Variants in CDK12 observed in about 807,000 individuals in gnomAD.
CDK12 encodes cyclin dependent kinase 12.
A neutral mutation model predicts 133.8 loss-of-function variants in CDK12; 17 were observed. The observed-to-expected ratio is 0.13, with a 90% CI of 0.09 to 0.19. CDK12 has a LOEUF of 0.19. Ranked by LOEUF, CDK12 falls within the 10% of genes least tolerant of loss-of-function variation. The pLI is 1.00. For missense variants in CDK12, 1,508 were observed against 1,818.7 expected (o/e 0.83, Z 3.11); for synonymous variants, 694 against 683.6 (o/e 1.02, Z -0.24).
At chr17:39,482,294 G>A (rs968589559) in intron 2 of CDK12, among the ~76,000 whole-genome samples, 3 of 152,038 alleles carry the variant, frequency 2.0e-5, no homozygotes, top group Non-Finnish European at 2.9e-5. Context: ...TTACAGGCCT[G>A]AGCTACCGCA....
chr17:39,492,592 G>A (rs2051723225), intron 3 of CDK12, among the ~76,000 whole-genome samples, 159 bp from the exon 4 acceptor site: 1 of 148,888 alleles, frequency 6.7e-6, no homozygotes, highest in Admixed American at 6.8e-5. Flanking sequence ...ATTTTTTTTA[G>A]TAAAGACGGG....
intron 7 of CDK12, 144 bp from the exon 8 acceptor site, chr17:39,511,385 T>G (rs2053500259): frequency 3.5e-6 from 2 of 563,794 alleles, no homozygotes; most frequent in South Asian, 5.1e-5. Flanking sequence ...CTGAACAGTT[T>G]GCTTTTGGAG....
intron 1 of CDK12, among the ~76,000 whole-genome samples, chr17:39,466,615 GAAAAAAAAAAAAAAAAAAAAAA>G (rs71147339): frequency 0.18 from 5,691 of 31,262 alleles, 167 homozygotes; most frequent in Non-Finnish European, 0.24. Context: ...AACTCTATCT[GAAAAAAAAAAAAAAAAAAAAAA>G]AAAAAAAAAA....
intron 1 of CDK12, among the ~76,000 whole-genome samples, chr17:39,464,411 T>C (rs1021018926): frequency 4.0e-5 from 6 of 151,386 alleles, no homozygotes; most frequent in Non-Finnish European, 7.4e-5. Flanking sequence ...TTTCTTTTTT[T>C]TTTTTGTAGA....
intron 1 of CDK12, among the ~76,000 whole-genome samples, chr17:39,468,872 G>A (rs139967667): frequency 1.4e-3 from 215 of 151,606 alleles, no homozygotes; most frequent in African/African-American, 5.1e-3. Flanking sequence ...GAGTGCAGTG[G>A]CGCAATCTCT....
rs199527988 is a variant in CDK12 at position 39,520,133 on chromosome 17, C to G, written c.3095+46C>G. On this transcript the variant is annotated intron_variant, in intron 11 of 13. Transcript: ENST00000447079. Reference sequence around the variant, plus strand: ...TGTGACCCTAAATCTTTCCCTGGGCCTTAGACGATGAGAAACTCATAAAAG... The same window carrying G: ...TGTGACCCTAAATCTTTCCCTGGGCGTTAGACGATGAGAAACTCATAAAAG... 3.7e-5 allele frequency: 59 copies of G among 1,604,404 alleles called. 1 individual carries two copies. Among genetic ancestry groups the G allele is most frequent in the Non-Finnish European group, 4.9e-5 (58 of 1,174,342 alleles).
chr17:39,473,917 C>T (rs2049994859), intron 2 of CDK12, among the ~76,000 whole-genome samples: 1 of 151,630 alleles, frequency 6.6e-6, no homozygotes, highest in Admixed American at 6.6e-5. Context: ...ATTAGCCAGG[C>T]GTGGTGGCAG....
At chr17:39,477,416 T>G (rs2050298404) in intron 2 of CDK12, among the ~76,000 whole-genome samples, 1 of 151,262 alleles carries the variant, frequency 6.6e-6, no homozygotes, top group Non-Finnish European at 1.5e-5. Context: ...TTTTGTATTT[T>G]TAGTAGAGAC....
intron 1 of CDK12, among the ~76,000 whole-genome samples, chr17:39,540,089 TG>T (rs1270826436): frequency 6.6e-6 from 1 of 152,200 alleles, no homozygotes; most frequent in African/African-American, 2.4e-5. Flanking sequence ...AAAATATTAT[TG>T]TTCTTGCCAA....
chr17:39,492,401 C>A (rs2051700019), intron 3 of CDK12, among the ~76,000 whole-genome samples: 1 of 131,378 alleles, frequency 7.6e-6, no homozygotes. Context: ...CGGCCAATTT[C>A]ATTTTCTTTT....
intron 2 of CDK12, among the ~76,000 whole-genome samples, chr17:39,486,783 C>G (rs951674649): frequency 2.6e-5 from 4 of 151,844 alleles, no homozygotes; most frequent in African/African-American, 9.7e-5. Context: ...CTGAGGTGGG[C>G]AGATCATGAG....
rs773073791 is a variant in CDK12 at position 39,482,015 on chromosome 17, C to CCTTTTTTTTTTTTTTTTT, written c.1932-8542_1932-8541insCTTTTTTTTTTTTTTTTT. Among the ~76,000 whole-genome samples, 2 of 96,256 alleles carry CCTTTTTTTTTTTTTTTTT rather than the reference C, an allele frequency of 2.1e-5. 1 individual carries two copies. The highest frequency in any genetic ancestry group is 4.4e-5 in the Non-Finnish European group (2 of 45,170). 63.1% of individuals were successfully genotyped at this position (96,256 alleles called of 152,430 possible). A position where few individuals can be genotyped will look rare whatever the true frequency, so the allele number is the denominator to read the frequency against. Reference sequence around the variant, plus strand: ...GATTACAGGCATGAGCCTGGCTTGCCTTTTTTTTTTTTTTTTAACAGAGTT... The same window carrying CCTTTTTTTTTTTTTTTTT: ...GATTACAGGCATGAGCCTGGCTTGCCCTTTTTTTTTTTTTTTTTTTTTTTTTTTTTTTTTAACAGAGTT... On this transcript the variant is annotated intron_variant, in intron 2 of 13. Coordinates refer to ENST00000447079, the MANE Select transcript of CDK12 (RefSeq NM_016507.4).
intron 6 of CDK12, among the ~76,000 whole-genome samples, chr17:39,508,997 CAAAAA>C (rs36130789): frequency 1.7e-5 from 2 of 120,744 alleles, no homozygotes; most frequent in Non-Finnish European, 3.3e-5. Context: ...GACTCTGTCT[CAAAAA>C]AAAAAAAAAA....
intron 6 of CDK12, among the ~76,000 whole-genome samples, chr17:39,505,546 T>C (rs1372704273): frequency 7.8e-6 from 1 of 128,636 alleles, no homozygotes; most frequent in Non-Finnish European, 1.7e-5. Flanking sequence ...AAAAAAAAGA[T>C]TTGGGAAAGA....
intron 4 of CDK12, among the ~76,000 whole-genome samples, chr17:39,493,578 G>A (rs1245845270): frequency 6.6e-6 from 1 of 152,106 alleles, no homozygotes; most frequent in East Asian, 1.9e-4. Flanking sequence ...ACCCACCTCA[G>A]CCTCCCAAAG....
At chr17:39,542,552 C>T (rs2055480092) in intron 1 of CDK12, among the ~76,000 whole-genome samples, 1 of 151,236 alleles carries the variant, frequency 6.6e-6, no homozygotes, top group African/African-American at 2.4e-5. Context: ...TCTTGTTGCC[C>T]AGGCTGGAGT....
upstream of CDK12, among the ~76,000 whole-genome samples, chr17:39,547,437 A>G (rs2055768379): frequency 2.0e-5 from 3 of 152,094 alleles, no homozygotes; most frequent in South Asian, 2.1e-4. Flanking sequence ...CGCCTGGCCT[A>G]CCTGGATCTT....
intron 6 of CDK12, among the ~76,000 whole-genome samples, chr17:39,502,311 C>T (rs2052777736): frequency 6.6e-6 from 1 of 151,934 alleles, no homozygotes. Context: ...CGCCACCACG[C>T]CCAGCTAATT....
chr17:39,514,683 A>C (rs1293590454), intron 8 of CDK12, among the ~76,000 whole-genome samples: 1 of 152,218 alleles, frequency 6.6e-6, no homozygotes, highest in Non-Finnish European at 1.5e-5. Context: ...GAAAAGTTAC[A>C]GGAATAGTAC....
Sources: gnomAD v4.1 joint callset for allele counts (sites outside exome capture counted in the v4.1 genomes callset) on GRCh38, gnomAD v4.1.1 for gene constraint, MANE v1.5 for transcripts, NCBI Gene and HGNC (gene_info 2026-07-23, HGNC 2026-07-21) for gene names.